The following GABRG1 variants were observed in gnomAD, a reference collection of about 807,000 sequenced individuals.
The protein encoded by GABRG1 is gamma-aminobutyric acid type A receptor subunit gamma1.
Under a neutral mutation model 49.8 loss-of-function variants are expected in GABRG1, and 49 were observed. The ratio of observed to expected loss-of-function variants is 0.98; its 90% confidence interval spans 0.78 to 1.25. The LOEUF is 1.25. Ranked by LOEUF, GABRG1 falls within the 50% of genes most tolerant of loss-of-function variation. The pLI is 0.00. For synonymous variants in GABRG1, 232 were observed against 185.1 expected (o/e 1.25, Z -2.06); for missense variants, 552 against 552.3 (o/e 1.00, Z 0.01).
rs1030005496 is a variant in GABRG1 at position 46,102,570 on chromosome 4, A to G, written c.105-5221T>C. Among the ~76,000 whole-genome samples the G allele has an allele frequency of 5.3e-5, 8 of 151,518 alleles. No individual in the cohort carries two copies. The East Asian group carries it at 5.9e-4, about 11-fold the overall frequency. ...CCAAGCATTTCTCTCTTACAAGTCTAAGGCCATCTTGACATCTGTTTCTCA... is the reference window on the plus strand; with the variant it reads ...CCAAGCATTTCTCTCTTACAAGTCTGAGGCCATCTTGACATCTGTTTCTCA... On this transcript the variant is annotated intron_variant, in intron 1 of 8. Transcript: ENST00000295452.
chr4:46,091,405 A>G (rs1266197126), intron 2 of GABRG1, among the ~76,000 whole-genome samples: 1 of 152,112 alleles, frequency 6.6e-6, no homozygotes, highest in Non-Finnish European at 1.5e-5. Context: ...ACATTCCATG[A>G]AATACAACCA....
In GABRG1 at chr4:46,118,322, C is replaced by A. The variant is rs559055292; in HGVS notation, c.104+5488G>T. Among the ~76,000 whole-genome samples, 82 of 150,208 alleles carry A rather than the reference C, an allele frequency of 5.5e-4. 1 individual carries two copies. Among genetic ancestry groups the A allele is most frequent in the African/African-American group, 1.9e-3 (79 of 41,162 alleles). ...TATATATATCTTTCCCTCATACTGA[C>A]CTGAACTTATGCCTATGACAGCTGA... On this transcript the variant is annotated intron_variant, in intron 1 of 8. Coordinates refer to ENST00000295452, the MANE Select transcript of GABRG1 (RefSeq NM_173536.4).
chr4:46,086,699 A>G (rs1719768584), intron 2 of GABRG1, among the ~76,000 whole-genome samples: 1 of 151,440 alleles, frequency 6.6e-6, no homozygotes, highest in East Asian at 1.9e-4. Flanking sequence ...TAAATATTTC[A>G]TTTCACCAAG....
intron 7 of GABRG1, among the ~76,000 whole-genome samples, chr4:46,056,762 C>G (rs967204212): frequency 1.3e-5 from 2 of 152,048 alleles, no homozygotes; most frequent in African/African-American, 4.8e-5. Flanking sequence ...AATTGTCTTG[C>G]AGTGATATGT....
At chr4:46,085,988 A>G (rs1255580013) in intron 2 of GABRG1, among the ~76,000 whole-genome samples, 1 of 151,660 alleles carries the variant, frequency 6.6e-6, no homozygotes, top group African/African-American at 2.4e-5. Flanking sequence ...TAATTCATCA[A>G]TACACATGGA....
chr4:46,112,222 C>A (rs1169476781), intron 1 of GABRG1, among the ~76,000 whole-genome samples: 1 of 151,034 alleles, frequency 6.6e-6, no homozygotes, highest in Non-Finnish European at 1.5e-5. Context: ...AGGTGGCCAG[C>A]AAACATAGGG....
chr4:46,089,503 A>G (rs943812624), intron 2 of GABRG1, among the ~76,000 whole-genome samples: 2 of 152,046 alleles, frequency 1.3e-5, no homozygotes, highest in Non-Finnish European at 2.9e-5. Context: ...TCCCTTTCTT[A>G]CCATCCTCTT....
At chr4:46,084,816 T>A (rs746950308) in intron 2 of GABRG1, among the ~76,000 whole-genome samples, 21 of 151,682 alleles carry the variant, frequency 1.4e-4, no homozygotes, top group Non-Finnish European at 2.4e-4. Flanking sequence ...GTAGGTCATA[T>A]GATTTATAGA....
At chr4:46,091,682 C>T (rs901154687) in intron 2 of GABRG1, among the ~76,000 whole-genome samples, 73 of 151,898 alleles carry the variant, frequency 4.8e-4, no homozygotes, top group African/African-American at 1.7e-3. Context: ...TATAGAAGAG[C>T]GTATGAGATG....
In GABRG1 at chr4:46,058,523, C is replaced by A; in HGVS notation, c.725G>T (p.Gly242Val). 2 of 1,613,110 alleles carry A rather than the reference C, an allele frequency of 1.2e-6. No individual in the cohort carries two copies. Among genetic ancestry groups the A allele is most frequent in the Non-Finnish European group, 1.7e-6 (2 of 1,179,532 alleles). ...YWRLYQFAFV[G>V]LRNSTEITHT... is the part of the protein sequence containing the mutation. ...AGTGATTTCAGTTGAGTTCCGTAAC[C>A]CTACAAATGCAAACTGATATAATCT... Residue 242 changes from glycine (G) to valine (V), a missense_variant, in exon 6 of 9, where the codon GGG (glycine) becomes GTG (valine). By Grantham distance (109) the Gly-to-Val change is moderately radical (BLOSUM62 -3). Transcript: ENST00000295452.
intron 3 of GABRG1, among the ~76,000 whole-genome samples, chr4:46,078,773 T>C (rs1719453892): frequency 6.6e-6 from 1 of 152,044 alleles, no homozygotes; most frequent in Non-Finnish European, 1.5e-5. Flanking sequence ...CCATAGATTT[T>C]GGTCAAATAT....
chr4:46,098,908 C>T (rs1025110182), intron 1 of GABRG1, among the ~76,000 whole-genome samples: 9 of 151,304 alleles, frequency 5.9e-5, no homozygotes, highest in African/African-American at 1.2e-4. Flanking sequence ...TTTTGCTTTT[C>T]GTGAAAATAT....
chr4:46,086,625 T>C (rs1719764792), intron 2 of GABRG1, among the ~76,000 whole-genome samples: 1 of 151,600 alleles, frequency 6.6e-6, no homozygotes, highest in South Asian at 2.1e-4. Context: ...CTTATTCAGA[T>C]ATTGCAGTTA....
At chr4:46,045,460 T>A (rs1717957521) in intron 8 of GABRG1, among the ~76,000 whole-genome samples, 1 of 151,784 alleles carries the variant, frequency 6.6e-6, no homozygotes, top group Non-Finnish European at 1.5e-5. Flanking sequence ...TTAATTGGAA[T>A]GAACAATTGA....
intron 2 of GABRG1, among the ~76,000 whole-genome samples, chr4:46,091,525 A>T (rs1256680096): frequency 6.6e-6 from 1 of 152,120 alleles, no homozygotes; most frequent in East Asian, 1.9e-4. Context: ...GTTAATAAAT[A>T]TAAGAAAATA....
At chr4:46,087,840 T>A (rs1030653216) in intron 2 of GABRG1, among the ~76,000 whole-genome samples, 3 of 151,986 alleles carry the variant, frequency 2.0e-5, no homozygotes, top group Non-Finnish European at 1.5e-5. Flanking sequence ...CACTTGACAA[T>A]CAACCTTTCC....
chr4:46,118,132 G>GTGTGTGTATATATATATA (rs377481920), intron 1 of GABRG1, among the ~76,000 whole-genome samples: 1 of 109,984 alleles, frequency 9.1e-6, no homozygotes, highest in African/African-American at 5.6e-5. Context: ...GTGTGTGTGT[G>GTGTGTGTATATATATATA]TATATATATA....
chr4:46,053,019 T>C (rs1356593326), intron 7 of GABRG1, among the ~76,000 whole-genome samples: 1 of 151,906 alleles, frequency 6.6e-6, no homozygotes, highest in African/African-American at 2.4e-5. Context: ...ATTAGCTCTG[T>C]GATCTTAACA....
At chr4:46,060,007 A>G (rs536657351) in intron 5 of GABRG1, among the ~76,000 whole-genome samples, 8 of 151,916 alleles carry the variant, frequency 5.3e-5, no homozygotes, top group Non-Finnish European at 1.2e-4. Context: ...GTCCTTTGTT[A>G]AGGAAAATGT....
Sources: allele counts gnomAD v4.1 joint callset (sites outside exome capture counted in the v4.1 genomes callset), GRCh38; gene constraint gnomAD v4.1.1; transcripts MANE v1.5; gene names NCBI Gene and HGNC (gene_info 2026-07-23, HGNC 2026-07-21).